TDP1: variants seen among roughly 807,000 people sequenced by gnomAD.
TDP1 encodes tyrosyl-DNA phosphodiesterase 1.
TDP1 carries 64 observed loss-of-function variants against 81.5 expected under a neutral mutation model. The ratio of observed to expected loss-of-function variants is 0.79; its 90% CI spans 0.64 to 0.97. TDP1 has a LOEUF of 0.97. Ranked by LOEUF, TDP1 falls within the 50% of genes least tolerant of loss-of-function variation. TDP1 has a pLI of 0.00. For missense variants in TDP1, 723 were observed against 743.8 expected (o/e 0.97, Z 0.33); for synonymous variants, 256 against 264.3 (o/e 0.97, Z 0.30).
intron 11 of TDP1, 44 bp downstream of exon 11, chr14:89,989,134 C>A: frequency 6.5e-7 from 1 of 1,541,540 alleles, no homozygotes; most frequent in South Asian, 1.1e-5. Flanking sequence ...TTATTCTCTA[C>A]ACAGGAGAAG....
chr14:90,040,571 A>T (rs2140353398), intron 16 of TDP1, among the ~76,000 whole-genome samples: 1 of 152,368 alleles, frequency 6.6e-6, no homozygotes, highest in Non-Finnish European at 1.5e-5. Flanking sequence ...GCGAGGTTTC[A>T]TGCATGGCTT....
intron 16 of TDP1, among the ~76,000 whole-genome samples, chr14:90,035,732 C>T (rs1237581657): frequency 1.5e-5 from 2 of 130,010 alleles, no homozygotes; most frequent in African/African-American, 4.0e-5. Flanking sequence ...TCCTTTTCTT[C>T]CTTTTTTTTT....
rs1892919236 is a variant in TDP1 at position 89,966,130 on chromosome 14, AT to A, written c.560-16del. 1 of 1,561,124 alleles carries A rather than the reference AT, an allele frequency of 6.4e-7. No individual in the cohort carries two copies. The highest frequency in any genetic ancestry group is 1.4e-5 in the African/African-American group (1 of 73,844). On this transcript the variant is annotated splice_polypyrimidine_tract_variant and intron_variant, in intron 3 of 16. Coordinates refer to ENST00000335725, the MANE Select transcript of TDP1 (RefSeq NM_018319.4). ...ATTTTTGTGAGTGTGAATTTGATAT[AT>A]GTTTTGTCTTCTCAGATATTTTATC...
chr14:90,015,024 A>C (rs1885152128), intron 14 of TDP1, among the ~76,000 whole-genome samples: 1 of 152,168 alleles, frequency 6.6e-6, no homozygotes, highest in African/African-American at 2.4e-5. Context: ...AGACTACATC[A>C]CTGGAGGGGA....
intron 14 of TDP1, among the ~76,000 whole-genome samples, chr14:89,998,404 ATATATATATATATATATATGTATG>A (rs1173713974): frequency 8.7e-6 from 1 of 115,560 alleles, no homozygotes; most frequent in East Asian, 2.2e-4. Context: ...ATATATATAT[ATATATATATATATATATATGTATG>A]TATGTATGTA....
At chr14:90,024,770 C>T (rs1472784479) in intron 15 of TDP1, among the ~76,000 whole-genome samples, 1 of 152,134 alleles carries the variant, frequency 6.6e-6, no homozygotes. Flanking sequence ...TATCATAATC[C>T]TAAAATGTTT....
chr14:89,956,408 G>A (rs1403017296), intron 1 of TDP1, 170 bp from the exon 2 acceptor site: 1 of 152,266 alleles, frequency 6.6e-6, no homozygotes, highest in Non-Finnish European at 1.5e-5. Flanking sequence ...AGGGTGAAGC[G>A]AGTTTACACT....
Position 89,998,400 on chromosome 14 carries a change from A to ATGTATG in TDP1, c.1541+4918_1541+4919insGTATGT, listed in dbSNP as rs1555390566. ...TATATATATATATATATATATATAT[A>ATGTATG]TATATATATATATATATATATATGT... is the stretch of plus-strand genomic sequence containing the variant. On this transcript the variant is annotated intron_variant, in intron 14 of 16. Transcript: ENST00000335725. 2.1e-4 allele frequency among the ~76,000 whole-genome samples: 25 copies of ATGTATG among 117,316 alleles called. 1 individual carries two copies. Among genetic ancestry groups the ATGTATG allele is most frequent in the African/African-American group, 1.0e-3 (22 of 21,224 alleles). The allele number at this position is 117,316 out of a possible 152,430, so 77.0% of individuals were successfully genotyped here. A position where few individuals can be genotyped will look rare whatever the true frequency, so the allele number is the denominator to read the frequency against.
intron 15 of TDP1, among the ~76,000 whole-genome samples, chr14:90,020,852 G>A: frequency 6.8e-6 from 1 of 147,720 alleles, no homozygotes; most frequent in Non-Finnish European, 1.5e-5. Context: ...CTGGAGTGCA[G>A]TGGCATGATC....
At chr14:89,983,037 C>G (rs1381193916) in intron 8 of TDP1, 2 of 437,346 alleles carry the variant, frequency 4.6e-6, no homozygotes, top group East Asian at 1.4e-4. Flanking sequence ...ATAATTTTCT[C>G]ATTTTGTGAT....
At chr14:90,007,512 C>G (rs1884173868) in intron 14 of TDP1, among the ~76,000 whole-genome samples, 1 of 152,104 alleles carries the variant, frequency 6.6e-6, no homozygotes, top group Non-Finnish European at 1.5e-5. Context: ...TCGCTTGAAC[C>G]CAGGAAGCAG....
At chr14:89,965,888 GATCA>G in intron 3 of TDP1, 9 of 983,710 alleles carry the variant, frequency 9.1e-6, no homozygotes, top group Non-Finnish European at 9.7e-6. Flanking sequence ...TTCTAAACTT[GATCA>G]ATCATTCAGT....
chr14:89,993,008 C>G (rs1212323911), intron 13 of TDP1: 2 of 920,064 alleles, frequency 2.2e-6, no homozygotes, highest in African/African-American at 3.6e-5. Context: ...AGCCTCTACT[C>G]ATAACACACC....
chr14:89,973,157 C>T (rs1162164040), intron 6 of TDP1, among the ~76,000 whole-genome samples: 1 of 152,190 alleles, frequency 6.6e-6, no homozygotes, highest in Non-Finnish European at 1.5e-5. Context: ...CCAACATGGG[C>T]TCATCTCATG....
intron 4 of TDP1, 166 bp from the exon 5 acceptor site, chr14:89,967,201 T>C: frequency 1.2e-6 from 1 of 867,646 alleles, no homozygotes. Flanking sequence ...TTAAGATAAA[T>C]TATAGGTTTG....
chr14:89,964,922 C>A (rs954368662), intron 3 of TDP1: 7 of 421,328 alleles, frequency 1.7e-5, no homozygotes, highest in African/African-American at 4.1e-5. Flanking sequence ...AGAAAAGTGC[C>A]CAAGGTCGTA....
intron 7 of TDP1, among the ~76,000 whole-genome samples, chr14:89,976,527 CTTTTTT>C (rs35744477): frequency 3.4e-5 from 3 of 88,762 alleles, no homozygotes; most frequent in African/African-American, 1.5e-4. Context: ...CAACAGAGCT[CTTTTTT>C]TTTTTTTTTT....
intron 14 of TDP1, among the ~76,000 whole-genome samples, chr14:90,006,909 T>G (rs1451446728): frequency 6.6e-6 from 1 of 152,006 alleles, no homozygotes; most frequent in Non-Finnish European, 1.5e-5. Context: ...GCTGTTGAAC[T>G]CCTGAGCTCA....
chr14:89,979,996 T>C (rs1285641919), intron 7 of TDP1: 3 of 213,274 alleles, frequency 1.4e-5, no homozygotes, highest in Non-Finnish European at 2.4e-5. Context: ...ATGAAGCATC[T>C]TTTAAACTTC....
Sources: gnomAD v4.1 joint callset for allele counts (sites outside exome capture counted in the v4.1 genomes callset) on GRCh38, gnomAD v4.1.1 for gene constraint, MANE v1.5 for transcripts, NCBI Gene and HGNC (gene_info 2026-07-23, HGNC 2026-07-21) for gene names.